The following GALNTL6 variants were observed in gnomAD, a reference collection of about 807,000 sequenced individuals.
GALNTL6 encodes the protein polypeptide N-acetylgalactosaminyltransferase like 6, also known as polypeptide N-acetylgalactosaminyltransferase-like 6.
A neutral mutation model predicts 73.7 loss-of-function variants in GALNTL6; 46 were observed. The observed-to-expected ratio is 0.62, with a 90% CI of 0.49 to 0.80. The LOEUF is 0.80. Among genes scored for constraint, GALNTL6 ranks in the 30% least tolerant of loss-of-function variants. The pLI is 0.00. For synonymous variants in GALNTL6, 259 were observed against 263.7 expected, an observed-to-expected ratio of 0.98 and a Z score of 0.17; for missense variants, 604 against 755.0, an observed-to-expected ratio of 0.80 and a Z score of 2.34.
chr4:172,850,697 T>C (rs543291830), intron 7 of GALNTL6, among the ~76,000 whole-genome samples: 15 of 152,280 alleles, frequency 9.9e-5, no homozygotes, highest in Admixed American at 2.6e-4. Flanking sequence ...TCACAAGTCT[T>C]ATGTTGTAAC....
chr4:172,522,129 T>A (rs1462837831), intron 5 of GALNTL6, among the ~76,000 whole-genome samples: 1 of 152,202 alleles, frequency 6.6e-6, no homozygotes, highest in Admixed American at 6.5e-5. Context: ...TAAGTCTTTG[T>A]GTCACAATTG....
intron 7 of GALNTL6, among the ~76,000 whole-genome samples, chr4:172,830,488 C>T (rs1400271461): frequency 6.6e-6 from 1 of 152,040 alleles, no homozygotes; most frequent in Admixed American, 6.5e-5. Flanking sequence ...TAAAAGAAAA[C>T]GGACAAAAGG....
intron 5 of GALNTL6, among the ~76,000 whole-genome samples, chr4:172,479,441 GT>G (rs1733362768): frequency 6.6e-6 from 1 of 152,218 alleles, no homozygotes; most frequent in East Asian, 1.9e-4. Flanking sequence ...AATGGAGGAG[GT>G]TTTCCTAAGT....
chr4:172,789,571 AG>A (rs1399365869), intron 5 of GALNTL6, among the ~76,000 whole-genome samples: 1 of 152,202 alleles, frequency 6.6e-6, no homozygotes, highest in Non-Finnish European at 1.5e-5. Context: ...AGAGATGTGC[AG>A]GGCAAGGTGT....
At chr4:172,546,495 TAA>T (rs35015321) in intron 5 of GALNTL6, among the ~76,000 whole-genome samples, 77 of 147,938 alleles carry the variant, frequency 5.2e-4, no homozygotes, top group Admixed American at 1.6e-3. Flanking sequence ...TACACAAGTT[TAA>T]AAAAAAAAAA....
chr4:172,336,469 G>T (rs1368573450), intron 4 of GALNTL6, among the ~76,000 whole-genome samples: 1 of 149,304 alleles, frequency 6.7e-6, no homozygotes, highest in Non-Finnish European at 1.5e-5. Context: ...TAGAGACCGG[G>T]TTTCACCATG....
At chr4:172,125,143 G>T (rs1209581901) in intron 2 of GALNTL6, among the ~76,000 whole-genome samples, 1 of 152,090 alleles carries the variant, frequency 6.6e-6, no homozygotes, top group Non-Finnish European at 1.5e-5. Context: ...AATGATGTAT[G>T]ACCTGCAAAT....
At chr4:172,538,117 A>G (rs1244808270) in intron 5 of GALNTL6, among the ~76,000 whole-genome samples, 1 of 152,176 alleles carries the variant, frequency 6.6e-6, no homozygotes, top group Non-Finnish European at 1.5e-5. Flanking sequence ...AGATTTCATC[A>G]TTGGCTGTAT....
intron 2 of GALNTL6, among the ~76,000 whole-genome samples, chr4:171,979,364 CAT>C (rs2111077075): frequency 6.6e-6 from 1 of 152,226 alleles, no homozygotes; most frequent in African/African-American, 2.4e-5. Flanking sequence ...CCTTTCAAAA[CAT>C]ATAACAATGA....
intron 5 of GALNTL6, among the ~76,000 whole-genome samples, chr4:172,396,133 T>C (rs1375639748): frequency 6.6e-6 from 1 of 151,986 alleles, no homozygotes; most frequent in Non-Finnish European, 1.5e-5. Context: ...ATATGTACAT[T>C]TTTCCTTATA....
intron 12 of GALNTL6, among the ~76,000 whole-genome samples, chr4:173,023,322 C>G (rs1301331465): frequency 1.3e-5 from 2 of 152,132 alleles, no homozygotes; most frequent in Non-Finnish European, 2.9e-5. Context: ...CCACCCCCAC[C>G]CAAACACCTG....
intron 5 of GALNTL6, among the ~76,000 whole-genome samples, chr4:172,711,881 C>T (rs1734729038): frequency 6.6e-6 from 1 of 152,130 alleles, no homozygotes; most frequent in South Asian, 2.1e-4. Flanking sequence ...TTGGCCAATC[C>T]ATCCAAGAGG....
chr4:171,984,526 T>G (rs1740007669), intron 2 of GALNTL6, among the ~76,000 whole-genome samples: 1 of 152,118 alleles, frequency 6.6e-6, no homozygotes, highest in African/African-American at 2.4e-5. Flanking sequence ...AGCGGGACTT[T>G]GGGTTGCAAA....
intron 12 of GALNTL6, among the ~76,000 whole-genome samples, chr4:173,035,468 G>A (rs989161962): frequency 1.3e-4 from 20 of 152,150 alleles, no homozygotes; most frequent in Non-Finnish European, 2.9e-5. Flanking sequence ...ATGAGCCACC[G>A]CGCCTGGCCT....
At position 172,060,144 on chromosome 4, in the gene GALNTL6, TG is replaced by T. The variant is rs568264331; in HGVS notation, c.139-169511del. ...AGGAGAGAAAAAATGTGTTACTTTT[TG>T]CCAAATTAATACCATCTTAACCTGA... On this transcript the variant is annotated intron_variant, in intron 2 of 12. Transcript: ENST00000506823. 1.5e-3 allele frequency among the ~76,000 whole-genome samples: 233 copies of T among 152,328 alleles called. 2 individuals are homozygous for T. The highest frequency in any genetic ancestry group is 3.0e-3 in the Admixed American group (46 of 15,294).
At chr4:172,007,647 C>T (rs1740879627) in intron 2 of GALNTL6, among the ~76,000 whole-genome samples, 1 of 152,034 alleles carries the variant, frequency 6.6e-6, no homozygotes, top group African/African-American at 2.4e-5. Flanking sequence ...CTTTTTAGTT[C>T]TCAGTTTAGA....
At chr4:172,932,675 C>A (rs1477191370) in intron 9 of GALNTL6, among the ~76,000 whole-genome samples, 3 of 152,028 alleles carry the variant, frequency 2.0e-5, no homozygotes. Flanking sequence ...GGGATAAGAC[C>A]CAAGTCTAAA....
chr4:172,393,785 T>C (rs1351053543), intron 5 of GALNTL6, among the ~76,000 whole-genome samples: 1 of 152,194 alleles, frequency 6.6e-6, no homozygotes, highest in Non-Finnish European at 1.5e-5. Context: ...TTCTGTAATG[T>C]CTTAATAATT....
chr4:172,298,108 T>C (rs1452174208), intron 3 of GALNTL6, among the ~76,000 whole-genome samples: 1 of 152,190 alleles, frequency 6.6e-6, no homozygotes, highest in Non-Finnish European at 1.5e-5. Flanking sequence ...TTATTCCCTT[T>C]GAAGCAATTG....
Sources: gnomAD v4.1 joint callset for allele counts (sites outside exome capture counted in the v4.1 genomes callset) on GRCh38, gnomAD v4.1.1 for gene constraint, MANE v1.5 for transcripts, NCBI Gene and HGNC (gene_info 2026-07-23, HGNC 2026-07-21) for gene names.